The following UVSSA variants were observed in gnomAD, a reference collection of about 807,000 sequenced individuals.
The protein encoded by UVSSA is UV-stimulated scaffold protein A.
A neutral mutation model predicts 73.9 loss-of-function variants in UVSSA; 72 were observed. The observed-to-expected ratio is 0.97, with a 90% CI of 0.81 to 1.19. The LOEUF is 1.19. UVSSA is among the 50% of genes most tolerant of loss of function. UVSSA has a pLI of 0.00. For synonymous variants in UVSSA, 454 were observed against 391.3 expected (o/e 1.16, Z -1.89); for missense variants, 1,150 against 965.0 (o/e 1.19, Z -2.54).
At chr4:1,364,572 G>T (rs1038689708) in intron 7 of UVSSA, among the ~76,000 whole-genome samples, 6 of 152,240 alleles carry the variant, frequency 3.9e-5, no homozygotes, top group Non-Finnish European at 7.3e-5. Context: ...AGAGATGCAG[G>T]TGTGTGTCAG....
intron 8 of UVSSA, among the ~76,000 whole-genome samples, chr4:1,367,397 CTG>C (rs1359631865): frequency 6.6e-6 from 1 of 152,202 alleles, no homozygotes; most frequent in Non-Finnish European, 1.5e-5. Flanking sequence ...CAATCAGAGT[CTG>C]TAAGAAGAGA....
intron 7 of UVSSA, chr4:1,365,993 C>T (rs1054099077): frequency 5.2e-6 from 1 of 192,356 alleles, no homozygotes; most frequent in South Asian, 1.2e-4. Flanking sequence ...GGGGGCACCG[C>T]CGCCCTCGCA....
chr4:1,342,876 T>C (rs541939911), upstream of UVSSA, among the ~76,000 whole-genome samples: 2 of 152,304 alleles, frequency 1.3e-5, no homozygotes, highest in South Asian at 2.1e-4. Context: ...CACATTATCT[T>C]AACTATTGCC....
chr4:1,379,279 G>A (rs1412734843), intron 10 of UVSSA, among the ~76,000 whole-genome samples: 1 of 152,236 alleles, frequency 6.6e-6, no homozygotes, highest in African/African-American at 2.4e-5. Flanking sequence ...AGGCCTGGTG[G>A]CAGCACAGGG....
chr4:1,363,796 C>T (rs904071902), intron 7 of UVSSA, among the ~76,000 whole-genome samples: 7 of 152,242 alleles, frequency 4.6e-5, no homozygotes, highest in South Asian at 2.1e-4. Flanking sequence ...CACAGGTCAG[C>T]GGTGGAGACA....
chr4:1,380,734 G>T, intron 11 of UVSSA, 146 bp from the exon 12 acceptor site: 1 of 1,551,754 alleles, frequency 6.4e-7, no homozygotes, highest in Non-Finnish European at 8.7e-7. Context: ...CCTCTGAGGG[G>T]CGCGTGATTC....
intron 8 of UVSSA, 47 bp downstream of exon 8, chr4:1,366,478 C>T: frequency 1.4e-6 from 2 of 1,473,048 alleles, no homozygotes; most frequent in South Asian, 1.2e-5. Flanking sequence ...GAGGGTCCCC[C>T]ACTCAGGATG....
chr4:1,384,183 C>T (rs2109314934), intron 13 of UVSSA: 1 of 516,698 alleles, frequency 1.9e-6, no homozygotes, highest in East Asian at 3.4e-5. Context: ...AGGGGCTCGA[C>T]CGCCAGGCAC....
intron 7 of UVSSA, among the ~76,000 whole-genome samples, chr4:1,362,572 G>A (rs1716798435): frequency 6.6e-6 from 1 of 152,212 alleles, no homozygotes; most frequent in Non-Finnish European, 1.5e-5. Context: ...CACATAGGGT[G>A]TATGATCTCC....
chr4:1,367,320 T>G (rs1717462592), intron 8 of UVSSA, among the ~76,000 whole-genome samples: 1 of 152,156 alleles, frequency 6.6e-6, no homozygotes, highest in Non-Finnish European at 1.5e-5. Flanking sequence ...CACAGTGGTG[T>G]TTGCATGGAG....
In UVSSA at chr4:1,349,556, G is replaced by A. The variant is rs546025033; in HGVS notation, c.131G>A (p.Arg44His). ...SSEEQLSRAYRLLIAQLTQEH... is the reference protein window; with the variant it reads ...SSEEQLSRAYHLLIAQLTQEH... ...GAGGAGCAGCTGAGCCGCGCCTACC[G>A]CCTGCTGATAGCACAGCTGACCCAG... Residue 44 changes from arginine (R) to histidine (H), a missense_variant, in exon 3 of 14, where the codon CGC becomes CAC. Coordinates refer to ENST00000389851, the MANE Select transcript of UVSSA (RefSeq NM_020894.4). 1.5e-5 allele frequency: 24 copies of A among 1,613,656 alleles called. No homozygotes were observed. The highest frequency in any genetic ancestry group is 1.2e-4 in the African/African-American group (9 of 74,938).
chr4:1,351,217 C>G (rs1345545535), intron 3 of UVSSA, among the ~76,000 whole-genome samples: 1 of 151,558 alleles, frequency 6.6e-6, no homozygotes, highest in Non-Finnish European at 1.5e-5. Context: ...AAGCACCCCC[C>G]ACCACGCCCG....
chr4:1,369,721 C>G (rs1717789279), intron 8 of UVSSA, among the ~76,000 whole-genome samples: 1 of 152,254 alleles, frequency 6.6e-6, no homozygotes, highest in Non-Finnish European at 1.5e-5. Context: ...CTCTCCGTTT[C>G]CTACCATCGA....
intron 8 of UVSSA, among the ~76,000 whole-genome samples, chr4:1,368,105 G>A (rs535445953): frequency 1.1e-4 from 17 of 152,362 alleles, no homozygotes; most frequent in Non-Finnish European, 1.3e-4. Context: ...CTAGGCAGCC[G>A]TCTTGTCTGC....
intron 10 of UVSSA, among the ~76,000 whole-genome samples, chr4:1,379,152 G>A (rs756220830): frequency 2.6e-5 from 4 of 152,220 alleles, no homozygotes; most frequent in Non-Finnish European, 5.9e-5. Flanking sequence ...GGGCAGAGCC[G>A]ACCGTTCCCC....
chr4:1,395,510 A>T (rs780420325), exon 14 of UVSSA: 3 of 1,386,284 alleles, frequency 2.2e-6, no homozygotes, highest in Non-Finnish European at 2.9e-6. Flanking sequence ...CCGCCTGCTC[A>T]CACACATGCC....
chr4:1,366,828 G>T (rs1420740684), intron 8 of UVSSA, among the ~76,000 whole-genome samples: 1 of 152,204 alleles, frequency 6.6e-6, no homozygotes, highest in Non-Finnish European at 1.5e-5. Context: ...ACACCGGCCT[G>T]CTGTGAGGAC....
chr4:1,355,044 G>A, intron 6 of UVSSA, 73 bp from the exon 7 acceptor site: 1 of 1,584,402 alleles, frequency 6.3e-7, no homozygotes, highest in Non-Finnish European at 8.6e-7. Context: ...GACCTGGCAT[G>A]TGCCTCCCAG....
Position 1,348,109 on chromosome 4 carries a change from G to A in UVSSA, c.18G>A (p.Ser6=), listed in dbSNP as rs1416404326. The A allele has an allele frequency of 3.7e-6, 6 of 1,613,504 alleles. No individual in the cohort carries two copies. The African/African-American group carries it at 6.7e-5, about 18-fold the overall frequency. Residue 6 remains serine, a synonymous_variant, in exon 2 of 14, where the codon TCG becomes TCA. Coordinates refer to ENST00000389851, the MANE Select transcript of UVSSA (RefSeq NM_020894.4). ...TTCTAGATATGGATCAGAAACTTTC[G>A]AAGTTGGTAGAAGAGCTCACAACTT... The part of the protein sequence containing the change: MDQKL[S]KLVEELTTSG...
Sources: allele counts gnomAD v4.1 joint callset (sites outside exome capture counted in the v4.1 genomes callset), GRCh38; gene constraint gnomAD v4.1.1; transcripts MANE v1.5; gene names NCBI Gene and HGNC (gene_info 2026-07-23, HGNC 2026-07-21).